PPM1A: variants seen among roughly 807,000 people sequenced by gnomAD.
PPM1A encodes protein phosphatase, Mg2+/Mn2+ dependent 1A, also known as protein phosphatase 1A.
PPM1A carries 7 observed loss-of-function variants against 35.0 expected under a neutral mutation model. The observed-to-expected ratio is 0.20, with a 90% CI of 0.11 to 0.38. The LOEUF (loss-of-function observed/expected upper bound fraction) is 0.38. PPM1A is among the 10% of genes least tolerant of loss of function. The probability of loss-of-function intolerance (pLI) is 1.00; values close to 1 mark genes in which losing one functional copy is unlikely to be tolerated. For missense variants in PPM1A, 239 were observed against 467.8 expected, an observed-to-expected ratio of 0.51 and a Z score of 4.51; for synonymous variants, 153 against 167.3, an observed-to-expected ratio of 0.91 and a Z score of 0.66.
upstream of PPM1A, chr14:60,246,071 G>A (rs552425699): frequency 3.9e-6 from 6 of 1,549,398 alleles, no homozygotes; most frequent in African/African-American, 2.8e-5. Flanking sequence ...AGGAATTGTT[G>A]AACCTATGTT....
chr14:60,293,329 A>G lies in PPM1A; in HGVS notation c.*847A>G, dbSNP rs910857408. On this transcript the variant is annotated 3_prime_UTR_variant, in exon 6 of 6. Coordinates refer to ENST00000395076, the MANE Select transcript of PPM1A (RefSeq NM_021003.5). The surrounding 1 kb of genome is among the most constrained non-coding windows in gnomAD (Gnocchi z 4.0). ...AGATATTCTGAATTCCATTTTATCAATAAAGCTTGATTTAACAAACAAGAA... is the reference window on the plus strand; with the variant it reads ...AGATATTCTGAATTCCATTTTATCAGTAAAGCTTGATTTAACAAACAAGAA... 2.6e-5 allele frequency: 4 copies of G among 152,048 alleles called. No homozygotes were observed. The highest frequency in any genetic ancestry group is 5.9e-5 in the Non-Finnish European group (4 of 67,958). 9.4% of individuals were successfully genotyped at this position (152,048 alleles called of 1,614,324 possible). A position where few individuals can be genotyped will look rare whatever the true frequency, so the allele number is the denominator to read the frequency against.
At chr14:60,265,907 C>A (rs530128821) in intron 1 of PPM1A, among the ~76,000 whole-genome samples, 2 of 152,306 alleles carry the variant, frequency 1.3e-5, no homozygotes, top group East Asian at 3.9e-4. Context: ...ATTACTGTCA[C>A]AATGACAATT....
intron 1 of PPM1A, among the ~76,000 whole-genome samples, chr14:60,261,739 A>T (rs558681420): frequency 6.6e-6 from 1 of 152,196 alleles, no homozygotes; most frequent in Non-Finnish European, 1.5e-5. Context: ...GCTAAATGAG[A>T]AATTGCAGCT....
At chr14:60,265,058 T>G (rs922533023) in intron 1 of PPM1A, among the ~76,000 whole-genome samples, 4 of 152,204 alleles carry the variant, frequency 2.6e-5, no homozygotes, top group African/African-American at 9.6e-5. Flanking sequence ...TTGTTGTGTT[T>G]TCTTTTTCAC....
intron 3 of PPM1A, chr14:60,286,242 T>C: frequency 1.0e-6 from 1 of 985,966 alleles, no homozygotes; most frequent in Non-Finnish European, 1.2e-6. Context: ...TTTAAACTGT[T>C]TCAGAGCTTC....
intron 1 of PPM1A, among the ~76,000 whole-genome samples, chr14:60,253,155 T>A (rs1285528629): frequency 6.6e-6 from 1 of 152,132 alleles, no homozygotes; most frequent in African/African-American, 2.4e-5. Context: ...TTTTTATAAT[T>A]CTTAATATGT....
chr14:60,249,778 T>A lies in PPM1A; in HGVS notation c.-21+101T>A. 1.3e-5 allele frequency: 10 copies of A among 747,986 alleles called. No individual in the cohort carries two copies. Among genetic ancestry groups the A allele is most frequent in the Non-Finnish European group, 1.6e-5 (10 of 613,442 alleles). The allele number at this position is 747,986 out of a possible 1,614,324, so 46.3% of individuals were successfully genotyped here. A position where few individuals can be genotyped will look rare whatever the true frequency, so the allele number is the denominator to read the frequency against. ...GGGGCCTGTAAACAAGCCGGGCGTCTGCCCGGGCGCTCCCGGGAGGAGACG... is the reference window on the plus strand; with the variant it reads ...GGGGCCTGTAAACAAGCCGGGCGTCAGCCCGGGCGCTCCCGGGAGGAGACG... On this transcript the variant is annotated intron_variant, in intron 1 of 5. Coordinates refer to ENST00000395076, the MANE Select transcript of PPM1A (RefSeq NM_021003.5). The surrounding 1 kb of genome is among the most constrained non-coding windows in gnomAD (Gnocchi z 4.5).
At position 60,293,995 on chromosome 14, in the gene PPM1A, T is replaced by C. The variant is rs937457666; in HGVS notation, c.*1513T>C. 6.6e-6 allele frequency: 1 copy of C among 151,932 alleles called. No individual in the cohort carries two copies. Among genetic ancestry groups the C allele is most frequent in the African/African-American group, 2.4e-5 (1 of 41,402 alleles). 9.4% of individuals were successfully genotyped at this position (151,932 alleles called of 1,614,324 possible). On this transcript the variant is annotated 3_prime_UTR_variant, in exon 6 of 6. Transcript: ENST00000395076. The surrounding 1 kb of genome is among the most constrained non-coding windows in gnomAD (Gnocchi z 4.0). ...TATTGTATTTATCACCATGTAATCA[T>C]TCAGTAGGCAGATTCCCACTAGAAA...
chr14:60,271,375 C>T (rs79045500), intron 1 of PPM1A, among the ~76,000 whole-genome samples: 2,223 of 152,260 alleles, frequency 0.015, 60 homozygotes, highest in African/African-American at 0.051. Flanking sequence ...AGGATTAGGA[C>T]TGGTATCTTT....
chr14:60,281,880 T>C (rs1291583695), intron 1 of PPM1A, among the ~76,000 whole-genome samples: 1 of 152,226 alleles, frequency 6.6e-6, no homozygotes, highest in Non-Finnish European at 1.5e-5. Flanking sequence ...GTACATGTTA[T>C]TACTATATGA....
chr14:60,281,758 G>C (rs1414870788), intron 1 of PPM1A, among the ~76,000 whole-genome samples: 1 of 152,176 alleles, frequency 6.6e-6, no homozygotes, highest in African/African-American at 2.4e-5. Context: ...GTTAACTTTT[G>C]AGTATTGGAA....
intron 1 of PPM1A, among the ~76,000 whole-genome samples, chr14:60,278,031 A>G (rs904363949): frequency 3.9e-5 from 6 of 152,212 alleles, no homozygotes; most frequent in African/African-American, 7.2e-5. Context: ...TGAGTAAAAC[A>G]GGGTACCTAT....
At chr14:60,279,103 GATGCACT>G (rs572561198) in intron 1 of PPM1A, among the ~76,000 whole-genome samples, 134 of 152,228 alleles carry the variant, frequency 8.8e-4, no homozygotes, top group Admixed American at 1.4e-3. Context: ...TATCACCTGG[GATGCACT>G]CTATTTTGTT....
chr14:60,246,858 C>G (rs997495268), upstream of PPM1A, among the ~76,000 whole-genome samples: 2 of 152,168 alleles, frequency 1.3e-5, no homozygotes, highest in Admixed American at 1.3e-4. Context: ...GCGTAGACTC[C>G]TTAAAAATTT....
chr14:60,246,820 G>A (rs960210620), upstream of PPM1A, among the ~76,000 whole-genome samples: 1 of 152,144 alleles, frequency 6.6e-6, no homozygotes, highest in Non-Finnish European at 1.5e-5. Context: ...TAGTAGGAAG[G>A]TGCTGCTTTA....
chr14:60,263,793 T>C (rs79708240), intron 1 of PPM1A, among the ~76,000 whole-genome samples: 4,019 of 152,276 alleles, frequency 0.026, 155 homozygotes, highest in African/African-American at 0.091. Flanking sequence ...TCCATAGATG[T>C]ACTATCTTAT....
At chr14:60,278,152 G>A (rs1885965595) in intron 1 of PPM1A, among the ~76,000 whole-genome samples, 1 of 152,286 alleles carries the variant, frequency 6.6e-6, no homozygotes, top group South Asian at 2.1e-4. Context: ...TATTAAGCCT[G>A]TGACTACCTG....
upstream of PPM1A, among the ~76,000 whole-genome samples, chr14:60,246,604 G>C (rs1490383991): frequency 1.3e-5 from 2 of 152,076 alleles, no homozygotes; most frequent in Non-Finnish European, 2.9e-5. Context: ...CAGTTCAGAA[G>C]AGAACTTTCA....
Position 60,282,321 on chromosome 14 carries a change from G to A in PPM1A, c.-20-363G>A, listed in dbSNP as rs552309183. Among the ~76,000 whole-genome samples the A allele has an allele frequency of 2.0e-5, 3 of 152,286 alleles. No individual in the cohort carries two copies. The South Asian group carries it at 6.2e-4, about 32-fold the overall frequency. ...TTTGGGTATGTCATGAATTCGTTTGGCTTTTCTTAATTGATATACATACAA... is the reference window on the plus strand; with the variant it reads ...TTTGGGTATGTCATGAATTCGTTTGACTTTTCTTAATTGATATACATACAA... On this transcript the variant is annotated intron_variant, in intron 1 of 5. Coordinates refer to ENST00000395076, the MANE Select transcript of PPM1A (RefSeq NM_021003.5). The surrounding 1 kb of genome is among the most constrained non-coding windows in gnomAD (Gnocchi z 5.1).
Sources: gnomAD v4.1 joint callset for allele counts (sites outside exome capture counted in the v4.1 genomes callset) on GRCh38, gnomAD v4.1.1 for gene constraint, Gnocchi (gnomAD v3.1) non-coding constraint, MANE v1.5 for transcripts, NCBI Gene and HGNC (gene_info 2026-07-23, HGNC 2026-07-21) for gene names.